CCSER1: variants seen among roughly 807,000 people sequenced by gnomAD.
CCSER1 encodes the protein serine-rich coiled-coil domain-containing protein 1.
In CCSER1, 41 loss-of-function variants were observed where a neutral mutation model predicts 82.0. The observed-to-expected ratio is 0.50, with a 90% CI of 0.39 to 0.65. CCSER1 has a LOEUF of 0.65. Ranked by LOEUF, CCSER1 falls within the 30% of genes least tolerant of loss-of-function variation. The probability of loss-of-function intolerance (pLI) is 0.00; values close to 1 mark genes in which losing one functional copy is unlikely to be tolerated. For synonymous variants in CCSER1, 414 were observed against 383.9 expected (o/e 1.08, Z -0.92); for missense variants, 1,119 against 1,064.2 (o/e 1.05, Z -0.72).
At chr4:90,917,461 C>T (rs548954259) in intron 8 of CCSER1, among the ~76,000 whole-genome samples, 1 of 152,098 alleles carries the variant, frequency 6.6e-6, no homozygotes, top group African/African-American at 2.4e-5. Context: ...GGGAATTGAA[C>T]AATGAGAACA....
intron 3 of CCSER1, among the ~76,000 whole-genome samples, chr4:90,391,532 C>CACACACAG (rs1751144339): frequency 1.4e-5 from 1 of 70,712 alleles, no homozygotes; most frequent in African/African-American, 6.6e-5. Flanking sequence ...TATATATATA[C>CACACACAG]TGTGTACTCA....
chr4:91,405,147 T>A (rs1752613883), intron 10 of CCSER1, among the ~76,000 whole-genome samples: 2 of 152,306 alleles, frequency 1.3e-5, no homozygotes, highest in South Asian at 4.1e-4. Context: ...TACCATTATG[T>A]AATGGCTATC....
At chr4:91,581,063 C>G (rs920767750) in intron 10 of CCSER1, among the ~76,000 whole-genome samples, 1 of 151,586 alleles carries the variant, frequency 6.6e-6, no homozygotes, top group Non-Finnish European at 1.5e-5. Context: ...AGACCTTCCA[C>G]AGATAAGGAC....
intron 10 of CCSER1, among the ~76,000 whole-genome samples, chr4:91,408,673 T>G (rs1461971419): frequency 2.6e-5 from 4 of 152,224 alleles, no homozygotes; most frequent in African/African-American, 9.6e-5. Flanking sequence ...TCAGTAATTT[T>G]CATGACCTGT....
intron 1 of CCSER1, among the ~76,000 whole-genome samples, chr4:90,285,014 G>C (rs1489200324): frequency 6.6e-6 from 1 of 152,012 alleles, no homozygotes; most frequent in Non-Finnish European, 1.5e-5. Flanking sequence ...TTTTATGCTA[G>C]TATCATGCTG....
chr4:91,388,140 C>G (rs1751420016), intron 10 of CCSER1, among the ~76,000 whole-genome samples: 1 of 152,028 alleles, frequency 6.6e-6, no homozygotes, highest in African/African-American at 2.4e-5. Context: ...CTCAACCTCC[C>G]AAAGTGCTGA....
intron 10 of CCSER1, among the ~76,000 whole-genome samples, chr4:91,467,947 T>C (rs1296591124): frequency 6.6e-6 from 1 of 152,202 alleles, no homozygotes; most frequent in Non-Finnish European, 1.5e-5. Context: ...AGTGTGGCGA[T>C]TCCTCAGGGA....
intron 1 of CCSER1, among the ~76,000 whole-genome samples, chr4:90,132,922 C>T (rs1191264664): frequency 6.6e-6 from 1 of 152,126 alleles, no homozygotes; most frequent in Non-Finnish European, 1.5e-5. Flanking sequence ...TATCTAGTGA[C>T]AATTCTTAAC....
intron 6 of CCSER1, among the ~76,000 whole-genome samples, chr4:90,716,976 C>T (rs549229509): frequency 1.2e-4 from 18 of 152,290 alleles, no homozygotes; most frequent in Middle Eastern, 3.4e-3. Context: ...TAGATTGACT[C>T]AGTGTTGGAT....
intron 6 of CCSER1, among the ~76,000 whole-genome samples, chr4:90,703,364 C>A (rs61918305): frequency 0.4 from 60,561 of 151,912 alleles, 12,882 homozygotes; most frequent in African/African-American, 0.56. Flanking sequence ...CTGTTCTTTT[C>A]CATTTGCTGA....
Position 90,920,636 on chromosome 4 carries a change from G to A in CCSER1, c.2095-2734G>A, listed in dbSNP as rs17017822. ...TCCAAATTATTTAACTCTTTTGTAC[G>A]TCCCCTCTCCAACATACCATTTCCA... is the stretch of plus-strand genomic sequence containing the variant. On this transcript the variant is annotated intron_variant, in intron 8 of 10. Transcript: ENST00000509176. 5.3e-3 allele frequency among the ~76,000 whole-genome samples: 801 copies of A among 151,564 alleles called. 8 individuals are homozygous for A. Among genetic ancestry groups the A allele is most frequent in the African/African-American group, 0.018 (757 of 41,408 alleles).
chr4:90,329,688 AAATT>A (rs780710156), intron 3 of CCSER1, among the ~76,000 whole-genome samples: 2 of 152,126 alleles, frequency 1.3e-5, no homozygotes, highest in South Asian at 4.1e-4. Context: ...ACTTAGAAAA[AAATT>A]AATTGAGCAG....
intron 9 of CCSER1, among the ~76,000 whole-genome samples, chr4:90,989,829 G>A (rs1397582347): frequency 6.6e-6 from 1 of 151,724 alleles, no homozygotes; most frequent in African/African-American, 2.4e-5. Flanking sequence ...AGAAAACAGG[G>A]AGATAGAATT....
intron 8 of CCSER1, among the ~76,000 whole-genome samples, chr4:90,880,417 G>A (rs967726172): frequency 6.6e-6 from 1 of 152,142 alleles, no homozygotes; most frequent in Non-Finnish European, 1.5e-5. Flanking sequence ...GTCTGGTGAT[G>A]AGCAGTTGGA....
chr4:91,536,659 A>T (rs145749475), intron 10 of CCSER1, among the ~76,000 whole-genome samples: 1 of 152,088 alleles, frequency 6.6e-6, no homozygotes, highest in Non-Finnish European at 1.5e-5. Flanking sequence ...CCGTGACCAA[A>T]GGTCTCAGTT....
chr4:90,447,315 A>G (rs1760793991), intron 4 of CCSER1, among the ~76,000 whole-genome samples: 1 of 152,064 alleles, frequency 6.6e-6, no homozygotes. Context: ...TACGTGAGAG[A>G]AAATTTACTT....
intron 10 of CCSER1, among the ~76,000 whole-genome samples, chr4:91,134,426 A>C (rs952163599): frequency 3.3e-5 from 5 of 150,740 alleles, no homozygotes; most frequent in South Asian, 2.1e-4. Context: ...GTCTACAAAA[A>C]AAAAACAAAA....
chr4:91,012,673 A>ACAACAGAACACACTGCTG, intron 9 of CCSER1, among the ~76,000 whole-genome samples: 1 of 152,184 alleles, frequency 6.6e-6, no homozygotes, highest in Non-Finnish European at 1.5e-5. Context: ...ATACACTGCT[A>ACAACAGAACACACTGCTG]CAACAGAACA....
At chr4:91,109,238 TCTC>T (rs1474001551) in intron 10 of CCSER1, among the ~76,000 whole-genome samples, 2 of 152,154 alleles carry the variant, frequency 1.3e-5, no homozygotes. Flanking sequence ...GCAAGGGTCT[TCTC>T]AAGCTCGATG....
Sources: gnomAD v4.1 joint callset for allele counts (sites outside exome capture counted in the v4.1 genomes callset) on GRCh38, gnomAD v4.1.1 for gene constraint, MANE v1.5 for transcripts, NCBI Gene and HGNC (gene_info 2026-07-23, HGNC 2026-07-21) for gene names.